Variants in ZNF385D observed in about 807,000 individuals in gnomAD.
The protein encoded by ZNF385D is zinc finger protein 659.
A neutral mutation model predicts 35.8 loss-of-function variants in ZNF385D; 15 were observed. The observed-to-expected ratio is 0.42, with a 90% CI of 0.28 to 0.64. The LOEUF (loss-of-function observed/expected upper bound fraction) is 0.64. ZNF385D is among the 30% of genes least tolerant of loss of function. The pLI, the probability that ZNF385D is intolerant of heterozygous loss-of-function variation, is 0.23. For missense variants in ZNF385D, 474 were observed against 494.6 expected, an observed-to-expected ratio of 0.96 and a Z score of 0.39; for synonymous variants, 212 against 186.8, an observed-to-expected ratio of 1.13 and a Z score of -1.10.
intron 2 of ZNF385D, among the ~76,000 whole-genome samples, chr3:22,253,378 A>G (rs1009293752): frequency 1.3e-5 from 2 of 152,030 alleles, no homozygotes; most frequent in Non-Finnish European, 2.9e-5. Flanking sequence ...ACATAAGTGA[A>G]AACAAGTTCA....
chr3:22,107,148 G>A (rs1378665663), intron 3 of ZNF385D, among the ~76,000 whole-genome samples: 1 of 149,924 alleles, frequency 6.7e-6, no homozygotes, highest in Admixed American at 6.7e-5. Context: ...CCTCAGCCCC[G>A]GAGTAGCTGG....
At chr3:22,158,338 A>G (rs1382143157) in intron 3 of ZNF385D, among the ~76,000 whole-genome samples, 4 of 152,090 alleles carry the variant, frequency 2.6e-5, no homozygotes, top group African/African-American at 7.2e-5. Flanking sequence ...ATTGGAAACC[A>G]GAGTTATTGG....
intron 3 of ZNF385D, among the ~76,000 whole-genome samples, chr3:22,155,459 G>A (rs1420860664): frequency 6.6e-6 from 1 of 151,948 alleles, no homozygotes; most frequent in African/African-American, 2.4e-5. Flanking sequence ...TATGGCAGTA[G>A]GAATAAAAAC....
At chr3:22,215,620 C>A (rs1050373251) in intron 2 of ZNF385D, among the ~76,000 whole-genome samples, 10 of 152,036 alleles carry the variant, frequency 6.6e-5, no homozygotes, top group African/African-American at 1.9e-4. Flanking sequence ...AATGAAAATA[C>A]TTGCCCGAAA....
chr3:21,604,965 G>A (rs1385727440), intron 2 of ZNF385D, among the ~76,000 whole-genome samples: 1 of 152,214 alleles, frequency 6.6e-6, no homozygotes, highest in African/African-American at 2.4e-5. Flanking sequence ...GAACACTAGA[G>A]GATGGTGAAG....
chr3:21,827,024 G>A (rs1049655021), intron 3 of ZNF385D, among the ~76,000 whole-genome samples: 1 of 152,070 alleles, frequency 6.6e-6, no homozygotes, highest in Non-Finnish European at 1.5e-5. Context: ...TCTATAGGTT[G>A]TGCAAAAGTA....
intron 3 of ZNF385D, among the ~76,000 whole-genome samples, chr3:22,146,315 C>A (rs764214443): frequency 5.3e-5 from 8 of 152,046 alleles, no homozygotes; most frequent in Non-Finnish European, 7.4e-5. Flanking sequence ...TAATTAAGCA[C>A]GCTAAAATTA....
chr3:22,268,435 T>TA (rs375721373), intron 2 of ZNF385D, among the ~76,000 whole-genome samples: 5 of 152,000 alleles, frequency 3.3e-5, no homozygotes, highest in African/African-American at 4.8e-5. Context: ...TACTTTTATT[T>TA]AAAAAAGAGG....
chr3:22,260,960 C>A (rs919267758), intron 2 of ZNF385D, among the ~76,000 whole-genome samples: 1 of 151,916 alleles, frequency 6.6e-6, no homozygotes, highest in African/African-American at 2.4e-5. Flanking sequence ...ATATTTATCA[C>A]GGAATTCTTC....
At chr3:22,337,270 G>A (rs554546076) in intron 2 of ZNF385D, among the ~76,000 whole-genome samples, 4 of 152,122 alleles carry the variant, frequency 2.6e-5, no homozygotes, top group African/African-American at 4.8e-5. Context: ...GGCATCTCAC[G>A]TCTGTAATCC....
chr3:21,921,445 C>T (rs1575920667), intron 3 of ZNF385D, among the ~76,000 whole-genome samples: 2 of 151,990 alleles, frequency 1.3e-5, no homozygotes, highest in African/African-American at 4.8e-5. Context: ...CAAGATATGT[C>T]ACATTACTTA....
chr3:21,573,527 A>G (rs912281329), intron 2 of ZNF385D, among the ~76,000 whole-genome samples: 5 of 152,222 alleles, frequency 3.3e-5, no homozygotes, highest in Non-Finnish European at 7.3e-5. Flanking sequence ...ATGGGCACCA[A>G]GAGATAATTA....
At chr3:21,942,125 T>A (rs1701551823) in intron 3 of ZNF385D, among the ~76,000 whole-genome samples, 1 of 152,200 alleles carries the variant, frequency 6.6e-6, no homozygotes, top group African/African-American at 2.4e-5. Flanking sequence ...GTGTATTATG[T>A]CAAGTAACTG....
At chr3:22,130,915 T>C (rs890860349) in intron 3 of ZNF385D, among the ~76,000 whole-genome samples, 15 of 152,152 alleles carry the variant, frequency 9.9e-5, no homozygotes, top group Non-Finnish European at 1.3e-4. Flanking sequence ...TTTATTTTTA[T>C]TTATCACATA....
intron 2 of ZNF385D, among the ~76,000 whole-genome samples, chr3:22,179,542 T>C (rs1695078938): frequency 6.6e-6 from 1 of 152,238 alleles, no homozygotes; most frequent in African/African-American, 2.4e-5. Flanking sequence ...ACAGGGACAA[T>C]CTGACTTCCT....
chr3:22,196,983 A>G lies in ZNF385D; in HGVS notation c.107-27948T>C, dbSNP rs542577520. Among the ~76,000 whole-genome samples, 253 of 152,116 alleles carry G rather than the reference A, an allele frequency of 1.7e-3. 1 individual carries two copies. In the Middle Eastern group the frequency reaches 0.017, roughly 10 times the overall value. ...TGAAGGATGTTTTCAATAGATACAC[A>G]ATCTATTTTGGCAGGTATTTCTATT... On this transcript the variant is annotated intron_variant, in intron 2 of 5. Coordinates refer to the ZNF385D transcript ENST00000494108.
chr3:21,695,330 G>A (rs1190493386), intron 1 of ZNF385D, among the ~76,000 whole-genome samples: 3 of 152,072 alleles, frequency 2.0e-5, no homozygotes, highest in East Asian at 1.9e-4. Flanking sequence ...GGTGATTTTC[G>A]AGAGCTGAGA....
chr3:21,556,838 C>A (rs1372559840), intron 3 of ZNF385D, among the ~76,000 whole-genome samples: 1 of 152,122 alleles, frequency 6.6e-6, no homozygotes, highest in African/African-American at 2.4e-5. Flanking sequence ...TGTGTCCTCT[C>A]TTATTTCCTT....
intron 3 of ZNF385D, among the ~76,000 whole-genome samples, chr3:21,796,942 T>C (rs1274247174): frequency 1.3e-5 from 2 of 152,270 alleles, no homozygotes; most frequent in African/African-American, 4.8e-5. Flanking sequence ...CCCCTGCCCA[T>C]ACTTAGCTCA....
Sources: gnomAD v4.1 joint callset for allele counts (sites outside exome capture counted in the v4.1 genomes callset) on GRCh38, gnomAD v4.1.1 for gene constraint, MANE v1.5 for transcripts, NCBI Gene and HGNC (gene_info 2026-07-23, HGNC 2026-07-21) for gene names.